Variants in SPMIP2 observed in about 807,000 individuals in gnomAD.
SPMIP2 encodes sperm microtubule inner protein 2, also known as protein SPMIP2.
chr4:159,004,784 T>TA, the SPMIP2 span, among the ~76,000 whole-genome samples: 6 of 152,286 alleles, frequency 3.9e-5, no homozygotes, highest in South Asian at 1.2e-3. Context: ...CTGTTTTTTT[T>TA]ACCATAATTA....
chr4:158,931,355 T>C, the SPMIP2 span, among the ~76,000 whole-genome samples: 1 of 152,114 alleles, frequency 6.6e-6, no homozygotes, highest in Non-Finnish European at 1.5e-5. Flanking sequence ...GTTCAAGCAA[T>C]TCTTGTGCCT....
chr4:158,968,400 C>A, the SPMIP2 span, among the ~76,000 whole-genome samples: 3 of 152,108 alleles, frequency 2.0e-5, no homozygotes, highest in African/African-American at 7.2e-5. Flanking sequence ...TGCTAGGAGA[C>A]AATTGATGGA....
chr4:158,945,333 T>C, the SPMIP2 span, among the ~76,000 whole-genome samples: 3 of 150,726 alleles, frequency 2.0e-5, no homozygotes, highest in East Asian at 5.9e-4. Context: ...TGGCCGTGGG[T>C]TTCAGAATTA....
the SPMIP2 span, among the ~76,000 whole-genome samples, chr4:158,998,308 A>G: frequency 6.6e-6 from 1 of 152,206 alleles, no homozygotes; most frequent in Non-Finnish European, 1.5e-5. Flanking sequence ...GTTCTACAGC[A>G]GTTTTCATAT....
the SPMIP2 span, among the ~76,000 whole-genome samples, chr4:158,919,911 C>T: frequency 2.6e-5 from 4 of 152,164 alleles, no homozygotes; most frequent in Non-Finnish European, 4.4e-5. Flanking sequence ...TCTTTTCCCA[C>T]CCCAGCCCTG....
At chr4:158,994,638 T>C in the SPMIP2 span, among the ~76,000 whole-genome samples, 3 of 152,180 alleles carry the variant, frequency 2.0e-5, no homozygotes, top group African/African-American at 7.2e-5. Context: ...GTATATTTGA[T>C]AATCTGTTGA....
the SPMIP2 span, among the ~76,000 whole-genome samples, chr4:158,969,171 C>T: frequency 1.3e-5 from 2 of 152,028 alleles, no homozygotes; most frequent in East Asian, 1.9e-4. Flanking sequence ...CATTTTGTCA[C>T]GAGGTCAGAG....
chr4:159,070,937 G>A, the SPMIP2 span, among the ~76,000 whole-genome samples: 23 of 152,256 alleles, frequency 1.5e-4, no homozygotes, highest in East Asian at 3.9e-3. Context: ...CATTCGTTCT[G>A]GATCTGCGCC....
the SPMIP2 span, among the ~76,000 whole-genome samples, chr4:159,023,355 A>T: frequency 1.3e-5 from 2 of 152,302 alleles, no homozygotes; most frequent in East Asian, 3.9e-4. Context: ...CTCAGGCCTC[A>T]GGTTTGGAGT....
the SPMIP2 span, among the ~76,000 whole-genome samples, chr4:159,048,234 G>A: frequency 1.4e-4 from 22 of 152,210 alleles, no homozygotes; most frequent in African/African-American, 4.3e-4. Flanking sequence ...ACAAAAGGGG[G>A]TGGGGTAGGA....
chr4:158,946,388 C>T, the SPMIP2 span, among the ~76,000 whole-genome samples: 1 of 126,002 alleles, frequency 7.9e-6, no homozygotes, highest in African/African-American at 3.2e-5. Flanking sequence ...CAAATCGAAT[C>T]CCAAATTGTA....
the SPMIP2 span, among the ~76,000 whole-genome samples, chr4:159,038,087 T>C: frequency 6.6e-6 from 1 of 152,144 alleles, no homozygotes; most frequent in African/African-American, 2.4e-5. Context: ...TTTTTGCTAT[T>C]ACAAAGATTG....
the SPMIP2 span, among the ~76,000 whole-genome samples, chr4:159,049,141 G>A: frequency 6.6e-6 from 1 of 152,106 alleles, no homozygotes; most frequent in African/African-American, 2.4e-5. Flanking sequence ...AAACACTGTC[G>A]AGAAAGATAA....
chr4:159,047,860 T>C, the SPMIP2 span, among the ~76,000 whole-genome samples: 386 of 152,296 alleles, frequency 2.5e-3, 3 homozygotes, highest in African/African-American at 9.0e-3. Context: ...AGATTCTGTA[T>C]AATCTGAAAT....
chr4:158,928,842 G>T, the SPMIP2 span, among the ~76,000 whole-genome samples: 1 of 151,624 alleles, frequency 6.6e-6, no homozygotes, highest in East Asian at 1.9e-4. Flanking sequence ...AACACCAGAC[G>T]TGCTGCTTTA....
chr4:158,987,490 G>A, the SPMIP2 span, among the ~76,000 whole-genome samples: 1 of 152,104 alleles, frequency 6.6e-6, no homozygotes, highest in Non-Finnish European at 1.5e-5. Flanking sequence ...TAGGGACATG[G>A]ATGAAATTGG....
At chr4:159,070,886 G>A in the SPMIP2 span, among the ~76,000 whole-genome samples, 4 of 152,162 alleles carry the variant, frequency 2.6e-5, no homozygotes, top group Non-Finnish European at 2.9e-5. Context: ...GTTGCCAGGC[G>A]AGAACTCATC....
chr4:158,925,622 C>G, the SPMIP2 span, among the ~76,000 whole-genome samples: 116 of 152,302 alleles, frequency 7.6e-4, no homozygotes, highest in African/African-American at 2.7e-3. Flanking sequence ...GCGCAGTTCA[C>G]AAAAGGGTTC....
At chr4:158,996,638 T>C in the SPMIP2 span, among the ~76,000 whole-genome samples, 2 of 152,338 alleles carry the variant, frequency 1.3e-5, no homozygotes, top group African/African-American at 2.4e-5. Flanking sequence ...AGCTCAATGA[T>C]GTCTTCGGAA....
Sources: gnomAD v4.1 joint callset for allele counts (sites outside exome capture counted in the v4.1 genomes callset) on GRCh38, gnomAD v4.1.1 for gene constraint, MANE v1.5 for transcripts, NCBI Gene and HGNC (gene_info 2026-07-23, HGNC 2026-07-21) for gene names.